The following CNBD1 variants were observed in gnomAD, a reference collection of about 807,000 sequenced individuals.
CNBD1 encodes the protein cyclic nucleotide-binding domain-containing protein 1.
Under a neutral mutation model 54.4 loss-of-function variants are expected in CNBD1, and 71 were observed. The observed-to-expected ratio is 1.30, with a 90% CI of 1.08 to 1.59. CNBD1 has a LOEUF of 1.59. CNBD1 is among the 40% of genes most tolerant of loss of function. CNBD1 has a pLI of 0.00. For synonymous variants in CNBD1, 182 were observed against 170.7 expected (o/e 1.07, Z -0.51); for missense variants, 659 against 518.0 (o/e 1.27, Z -2.64).
chr8:87,149,195 T>C (rs533098288), intron 4 of CNBD1, among the ~76,000 whole-genome samples: 2 of 152,302 alleles, frequency 1.3e-5, no homozygotes, highest in East Asian at 3.9e-4. Flanking sequence ...TGTGTATTGA[T>C]GGTGATCACA....
At chr8:87,092,505 G>GTGTGTGTGTATATATA (rs1563465637) in intron 4 of CNBD1, among the ~76,000 whole-genome samples, 4 of 122,538 alleles carry the variant, frequency 3.3e-5, no homozygotes, top group African/African-American at 1.3e-4. Flanking sequence ...GTATATATAT[G>GTGTGTGTGTATATATA]TGTGTGTGTG....
chr8:87,269,511 G>T, intron 6 of CNBD1, among the ~76,000 whole-genome samples: 1 of 152,180 alleles, frequency 6.6e-6, no homozygotes, highest in Admixed American at 6.6e-5. Flanking sequence ...GCTTTGGGCC[G>T]TATGGCCATT....
chr8:87,054,255 G>C (rs917672428), intron 4 of CNBD1, among the ~76,000 whole-genome samples: 1 of 152,178 alleles, frequency 6.6e-6, no homozygotes, highest in African/African-American at 2.4e-5. Flanking sequence ...TCCAGACAAA[G>C]GTTAGAAAGG....
intron 4 of CNBD1, among the ~76,000 whole-genome samples, chr8:87,189,095 G>T (rs1813544965): frequency 6.6e-6 from 1 of 151,992 alleles, no homozygotes; most frequent in Non-Finnish European, 1.5e-5. Flanking sequence ...AATAAAATTA[G>T]TTCAAAGCAT....
chr8:86,920,073 G>C (rs1447843849), intron 3 of CNBD1, among the ~76,000 whole-genome samples: 1 of 151,834 alleles, frequency 6.6e-6, no homozygotes, highest in Non-Finnish European at 1.5e-5. Flanking sequence ...GGAGAATTTA[G>C]CCCACATTTT....
rs1812903978 is a variant in CNBD1, at chr8:87,163,683, T to C, written c.432-42310T>C. ...TTGTTTCCTGCAAATTTATTGAATT[T>C]GCTTATTAGTTCTAACAGTTTTTTT... On this transcript the variant is annotated intron_variant, in intron 4 of 10. Coordinates refer to ENST00000518476, the MANE Select transcript of CNBD1 (RefSeq NM_173538.3). This position sits in a 1 kb window ranked among gnomAD's most constrained non-coding sequence, Gnocchi z 4.5. 6.6e-6 allele frequency among the ~76,000 whole-genome samples: 1 copy of C among 151,948 alleles called. No individual in the cohort carries two copies. Among genetic ancestry groups the C allele is most frequent in the Non-Finnish European group, 1.5e-5 (1 of 67,908 alleles).
rs187560572 is a variant in CNBD1 at position 87,134,952 on chromosome 8, G to A, written c.432-71041G>A. On this transcript the variant is annotated intron_variant, in intron 4 of 10. Coordinates refer to ENST00000518476, the MANE Select transcript of CNBD1 (RefSeq NM_173538.3). ...TGAAAACAAACTTAAAAAATTCTGC[G>A]CTATTGTTAACAGGAAATTTTGAGG... Among the ~76,000 whole-genome samples, 6 of 152,010 alleles carry A rather than the reference G, an allele frequency of 3.9e-5. No homozygotes were observed. In the East Asian group the frequency reaches 5.8e-4, roughly 15 times the overall value.
At chr8:87,223,394 C>G (rs575430293) in intron 5 of CNBD1, among the ~76,000 whole-genome samples, 1 of 147,468 alleles carries the variant, frequency 6.8e-6, no homozygotes, top group African/African-American at 2.5e-5. Flanking sequence ...CTCGCCCCTC[C>G]CCCGACCCCA....
intron 2 of CNBD1, among the ~76,000 whole-genome samples, chr8:86,894,035 A>ATT (rs869060076): frequency 0.049 from 2,552 of 52,308 alleles, 884 homozygotes; most frequent in Non-Finnish European, 0.066. Context: ...TAATAGATTA[A>ATT]TTTTTTTTTT....
intron 2 of CNBD1, among the ~76,000 whole-genome samples, chr8:87,412,903 G>A (rs1464705590): frequency 2.6e-5 from 4 of 152,050 alleles, no homozygotes; most frequent in Non-Finnish European, 5.9e-5. Flanking sequence ...TAGAGAAAAA[G>A]TCAATTATGA....
chr8:87,265,994 A>G (rs1028775627), intron 6 of CNBD1, among the ~76,000 whole-genome samples: 2 of 152,134 alleles, frequency 1.3e-5, no homozygotes, highest in Admixed American at 6.6e-5. Context: ...AAGTAGCTAT[A>G]CAAAAGATTG....
At chr8:87,143,386 A>G (rs1325670062) in intron 4 of CNBD1, among the ~76,000 whole-genome samples, 2 of 152,162 alleles carry the variant, frequency 1.3e-5, no homozygotes, top group Non-Finnish European at 2.9e-5. Flanking sequence ...ACATCAACAC[A>G]TTTAGTTCAC....
intron 10 of CNBD1, among the ~76,000 whole-genome samples, chr8:87,378,733 A>T (rs1811004868): frequency 2.0e-5 from 3 of 151,108 alleles, no homozygotes; most frequent in Admixed American, 2.0e-4. Context: ...GAATCTGTAA[A>T]TTACCTTGGG....
At chr8:87,238,885 A>G (rs1034469343) in intron 6 of CNBD1, among the ~76,000 whole-genome samples, 4 of 152,034 alleles carry the variant, frequency 2.6e-5, no homozygotes, top group Non-Finnish European at 1.5e-5. Context: ...GTGCACTGAG[A>G]GCTCCCAGCA....
At chr8:87,292,007 A>G (rs1429040162) in intron 8 of CNBD1, among the ~76,000 whole-genome samples, 2 of 152,190 alleles carry the variant, frequency 1.3e-5, no homozygotes, top group African/African-American at 4.8e-5. Flanking sequence ...TTTTCTTCCA[A>G]AAGAAAATAA....
At chr8:87,408,041 G>T (rs754553966) in intron 2 of CNBD1, among the ~76,000 whole-genome samples, 131 of 151,942 alleles carry the variant, frequency 8.6e-4, no homozygotes, top group Non-Finnish European at 1.1e-3. Context: ...AGAAATTTCT[G>T]TTCACTCCAT....
chr8:86,938,612 C>A (rs1285936846), intron 3 of CNBD1, among the ~76,000 whole-genome samples: 2 of 152,110 alleles, frequency 1.3e-5, no homozygotes. Context: ...ACCATCAGAT[C>A]TTGTGAGACT....
At chr8:87,160,578 A>T (rs1307450820) in intron 4 of CNBD1, among the ~76,000 whole-genome samples, 6 of 152,170 alleles carry the variant, frequency 3.9e-5, no homozygotes. Flanking sequence ...ATGTTTTAAA[A>T]TTATTAATAA....
chr8:86,869,617 T>C (rs1808413467), intron 1 of CNBD1, among the ~76,000 whole-genome samples: 1 of 152,184 alleles, frequency 6.6e-6, no homozygotes, highest in African/African-American at 2.4e-5. Flanking sequence ...GACTTCTGTC[T>C]CAGGATTCTT....
Sources: gnomAD v4.1 joint callset for allele counts (sites outside exome capture counted in the v4.1 genomes callset) on GRCh38, gnomAD v4.1.1 for gene constraint, Gnocchi (gnomAD v3.1) non-coding constraint, MANE v1.5 for transcripts, NCBI Gene and HGNC (gene_info 2026-07-23, HGNC 2026-07-21) for gene names.